PTPN13: variants seen among roughly 807,000 people sequenced by gnomAD.
PTPN13 encodes protein tyrosine phosphatase non-receptor type 13, also known as tyrosine-protein phosphatase non-receptor type 13.
A neutral mutation model predicts 284.0 loss-of-function variants in PTPN13; 191 were observed. That is an observed-to-expected ratio of 0.67 (90% CI 0.60 to 0.76). PTPN13 has a LOEUF of 0.76. Ranked by LOEUF, PTPN13 falls within the 30% of genes least tolerant of loss-of-function variation. PTPN13 has a pLI of 0.00. For synonymous variants in PTPN13, 986 were observed against 1,022.3 expected, an observed-to-expected ratio of 0.96 and a Z score of 0.68; for missense variants, 2,797 against 2,939.9, an observed-to-expected ratio of 0.95 and a Z score of 1.12.
chr4:86,747,099 A>G (rs1379614807), intron 17 of PTPN13, among the ~76,000 whole-genome samples: 3 of 152,270 alleles, frequency 2.0e-5, no homozygotes, highest in African/African-American at 7.2e-5. Context: ...TTACTTCATT[A>G]TAGTTGTTGT....
At chr4:86,639,623 G>T (rs1218636697) in intron 2 of PTPN13, among the ~76,000 whole-genome samples, 1 of 143,548 alleles carries the variant, frequency 7.0e-6, no homozygotes, top group Non-Finnish European at 1.5e-5. Context: ...GATGGGAATT[G>T]AACAATGAGA....
intron 1 of PTPN13, among the ~76,000 whole-genome samples, chr4:86,600,993 A>G (rs964775570): frequency 9.2e-5 from 14 of 152,032 alleles, no homozygotes; most frequent in Admixed American, 3.3e-4. Context: ...TTATTTGAAC[A>G]CCATATTGAT....
At chr4:86,667,025 A>G (rs1727164652) in intron 2 of PTPN13, among the ~76,000 whole-genome samples, 1 of 152,240 alleles carries the variant, frequency 6.6e-6, no homozygotes, top group African/African-American at 2.4e-5. Flanking sequence ...GTTAGAAAAG[A>G]AAATGATTTT....
chr4:86,603,481 A>G (rs923676850), intron 1 of PTPN13, among the ~76,000 whole-genome samples: 2 of 152,192 alleles, frequency 1.3e-5, no homozygotes, highest in East Asian at 3.8e-4. Flanking sequence ...CACATTTCCT[A>G]GCTGATATTG....
intron 20 of PTPN13, among the ~76,000 whole-genome samples, chr4:86,757,308 A>G (rs2149228593): frequency 6.6e-6 from 1 of 152,314 alleles, no homozygotes; most frequent in South Asian, 2.1e-4. Context: ...CACTGATACT[A>G]GTTATTATGT....
At chr4:86,723,292 CAGG>C (rs1733877147) in intron 10 of PTPN13, among the ~76,000 whole-genome samples, 1 of 152,176 alleles carries the variant, frequency 6.6e-6, no homozygotes, top group Admixed American at 6.5e-5. Context: ...CTGGTCACAG[CAGG>C]AGGTGAGCAA....
At chr4:86,613,409 G>T (rs1461814123) in intron 1 of PTPN13, among the ~76,000 whole-genome samples, 2 of 152,120 alleles carry the variant, frequency 1.3e-5, no homozygotes, top group African/African-American at 4.8e-5. Flanking sequence ...GCCGAGGCGG[G>T]CAGATCACGA....
intron 6 of PTPN13, among the ~76,000 whole-genome samples, chr4:86,697,851 C>T (rs1445302791): frequency 1.3e-5 from 2 of 151,998 alleles, no homozygotes; most frequent in African/African-American, 4.8e-5. Flanking sequence ...ATGTTAATCA[C>T]ATATAACAAA....
chr4:86,684,343 G>A (rs971301576), intron 3 of PTPN13, among the ~76,000 whole-genome samples: 18 of 152,132 alleles, frequency 1.2e-4, no homozygotes, highest in African/African-American at 4.3e-4. Flanking sequence ...CTCACGAAAA[G>A]CTGAGAAAGA....
At chr4:86,676,797 G>A (rs559892378) in intron 3 of PTPN13, among the ~76,000 whole-genome samples, 1 of 152,290 alleles carries the variant, frequency 6.6e-6, no homozygotes, top group Admixed American at 6.5e-5. Context: ...CTCATATGAA[G>A]TATCTAAAGT....
chr4:86,711,098 CTTTTTTT>C (rs58186398), intron 7 of PTPN13, among the ~76,000 whole-genome samples: 6 of 97,134 alleles, frequency 6.2e-5, no homozygotes, highest in African/African-American at 1.9e-4. Context: ...TAATTATTGC[CTTTTTTT>C]TTTTTTTTTT....
In PTPN13 at chr4:86,769,916, GA is replaced by G; in HGVS notation, c.4642del (p.Ile1548LeufsTer3). ...LFPGQPAAES[G>X]KIDVGDVILK... The stretch of plus-strand genomic sequence containing the variant: ...CCTGGACAGCCAGCAGCAGAAAGTG[GA>G]AAAATTGATGTAGGAGATGTTATCT... On this transcript the variant is annotated frameshift_variant, in exon 29 of 48. Transcript: ENST00000411767. LOFTEE classifies it high-confidence loss of function. 1 of 1,613,992 alleles carries G rather than the reference GA, an allele frequency of 6.2e-7. No homozygotes were observed. The highest frequency in any genetic ancestry group is 8.5e-7 in the Non-Finnish European group (1 of 1,179,884).
intron 40 of PTPN13, among the ~76,000 whole-genome samples, chr4:86,796,484 A>T (rs9307023): frequency 0.1 from 15,224 of 151,894 alleles, 867 homozygotes; most frequent in Non-Finnish European, 0.11. Context: ...AAAAAAAAAA[A>T]TTTTTAATTA....
chr4:86,797,570 A>C (rs1044309248), intron 41 of PTPN13, among the ~76,000 whole-genome samples: 14 of 152,286 alleles, frequency 9.2e-5, no homozygotes, highest in African/African-American at 2.9e-4. Flanking sequence ...TGTGTTTATT[A>C]TACTATTGCT....
At chr4:86,786,975 C>A (rs1741995908) in intron 40 of PTPN13, among the ~76,000 whole-genome samples, 1 of 151,744 alleles carries the variant, frequency 6.6e-6, no homozygotes, top group Non-Finnish European at 1.5e-5. Flanking sequence ...TGTGGTGGCG[C>A]ACACCTGTAT....
intron 46 of PTPN13, 138 bp downstream of exon 46, chr4:86,810,122 A>G: frequency 1.5e-6 from 1 of 655,690 alleles, no homozygotes; most frequent in Non-Finnish European, 2.5e-6. Flanking sequence ...TTATATTATT[A>G]TAGAAAATTG....
chr4:86,689,240 G>GAT (rs1260402774), intron 5 of PTPN13, 50 bp downstream of exon 5: 1 of 1,505,090 alleles, frequency 6.6e-7, no homozygotes, highest in Admixed American at 1.8e-5. Flanking sequence ...AAATTTAGTA[G>GAT]ATATCACAAA....
intron 2 of PTPN13, among the ~76,000 whole-genome samples, chr4:86,637,381 G>A (rs1310173544): frequency 1.3e-5 from 2 of 151,278 alleles, no homozygotes; most frequent in African/African-American, 2.4e-5. Context: ...AACCAAAAAA[G>A]AGAATTTTAG....
At chr4:86,600,378 T>A (rs954887201) in intron 1 of PTPN13, among the ~76,000 whole-genome samples, 2 of 151,486 alleles carry the variant, frequency 1.3e-5, no homozygotes, top group Admixed American at 1.3e-4. Flanking sequence ...ATAATTAATT[T>A]CAATTAAAAA....
Sources: gnomAD v4.1 joint callset for allele counts (sites outside exome capture counted in the v4.1 genomes callset) on GRCh38, gnomAD v4.1.1 for gene constraint, MANE v1.5 for transcripts, NCBI Gene and HGNC (gene_info 2026-07-23, HGNC 2026-07-21) for gene names.